C12orf50: variants seen among roughly 807,000 people sequenced by gnomAD.
C12orf50 encodes zinc finger CCCH-type containing 11D.
C12orf50 carries 35 observed loss-of-function variants against 61.6 expected under a neutral mutation model. The ratio of observed to expected loss-of-function variants is 0.57; its 90% CI spans 0.43 to 0.75. The LOEUF is 0.75. C12orf50 is among the 30% of genes least tolerant of loss of function. The pLI is 0.00. For missense variants in C12orf50, 475 were observed against 488.5 expected (o/e 0.97, Z 0.26); for synonymous variants, 178 against 161.5 (o/e 1.10, Z -0.77).
Position 88,027,089 on chromosome 12 carries a change from A to T in C12orf50, c.-108-19T>A. 6.3e-7 allele frequency: 1 copy of T among 1,583,460 alleles called. No homozygotes were observed. ...GGGAACCCTAAAAGAAAAAGTAAACAGTGTAGAAAGCTCAATATGTTGACA... is the reference window on the plus strand; with the variant it reads ...GGGAACCCTAAAAGAAAAAGTAAACTGTGTAGAAAGCTCAATATGTTGACA... On this transcript the variant is annotated intron_variant, in intron 1 of 12. Transcript: ENST00000298699.
intron 7 of C12orf50, among the ~76,000 whole-genome samples, chr12:87,994,225 ATAAG>A (rs748872556): frequency 4.8e-4 from 72 of 149,486 alleles, no homozygotes; most frequent in Non-Finnish European, 9.1e-4. Flanking sequence ...AAATAAATAA[ATAAG>A]TAGATAAATA....
intron 3 of C12orf50, among the ~76,000 whole-genome samples, chr12:88,019,179 G>T (rs368476550): frequency 6.6e-6 from 1 of 150,872 alleles, no homozygotes; most frequent in Non-Finnish European, 1.5e-5. Context: ...TCGATGGGAG[G>T]TAATTGAATC....
chr12:88,026,810 A>T, intron 2 of C12orf50, 141 bp downstream of exon 2: 1 of 1,368,950 alleles, frequency 7.3e-7, no homozygotes, highest in South Asian at 1.5e-5. Context: ...TTCCTCCATT[A>T]AGTTGAAAAA....
chr12:88,005,986 G>T (rs373166117), intron 3 of C12orf50, among the ~76,000 whole-genome samples: 2 of 142,534 alleles, frequency 1.4e-5, no homozygotes, highest in Non-Finnish European at 3.0e-5. Context: ...GCGCAATCTC[G>T]GCTCACTGCA....
intron 7 of C12orf50, among the ~76,000 whole-genome samples, chr12:87,990,693 A>G (rs995160381): frequency 5.3e-5 from 8 of 152,022 alleles, no homozygotes; most frequent in African/African-American, 1.4e-4. Context: ...TGTCTAATTC[A>G]TCATGTAAGG....
chr12:87,999,226 C>A (rs1048462879), intron 3 of C12orf50, among the ~76,000 whole-genome samples: 1 of 152,042 alleles, frequency 6.6e-6, no homozygotes, highest in African/African-American at 2.4e-5. Context: ...TAAATAAGAT[C>A]CAGCCTGGGC....
intron 3 of C12orf50, among the ~76,000 whole-genome samples, chr12:88,019,370 G>A (rs990679158): frequency 1.3e-5 from 2 of 152,090 alleles, no homozygotes; most frequent in Non-Finnish European, 2.9e-5. Flanking sequence ...CAGACATGTG[G>A]AACTATAAGT....
chr12:88,002,250 T>C (rs915089633), intron 3 of C12orf50, among the ~76,000 whole-genome samples: 1 of 151,812 alleles, frequency 6.6e-6, no homozygotes, highest in Non-Finnish European at 1.5e-5. Flanking sequence ...TGTGATTTCT[T>C]GGTTATTTAC....
chr12:87,986,529 AAATGCACCATCCTAAC>A, intron 9 of C12orf50, 113 bp from the exon 10 acceptor site: 1 of 666,648 alleles, frequency 1.5e-6, no homozygotes, highest in Non-Finnish European at 2.4e-6. Context: ...AGGAAAAAAT[AAATGCACCATCCTAAC>A]ACTTTACTTT....
At chr12:87,998,247 T>C (rs980534826) in intron 3 of C12orf50, 57 bp from the exon 4 acceptor site, 1 of 1,399,584 alleles carries the variant, frequency 7.1e-7, no homozygotes, top group African/African-American at 1.4e-5. Flanking sequence ...GATAAGTAGA[T>C]GTAACAATCA....
rs553282535 is a variant in C12orf50 at position 88,003,507 on chromosome 12, TTCTC to T, written c.134-5321_134-5318del. ...TTAAGGTAGACAAACTGGCAACAAA[TTCTC>T]TCAGTTTTTGTTTTCTTTGAATGTC... On this transcript the variant is annotated intron_variant, in intron 3 of 12. Transcript: ENST00000298699. Among the ~76,000 whole-genome samples, 81 of 152,150 alleles carry T rather than the reference TTCTC, an allele frequency of 5.3e-4. No individual in the cohort carries two copies. The East Asian group carries it at 9.4e-3, about 18-fold the overall frequency.
At chr12:88,012,752 C>A (rs1308673331) in intron 3 of C12orf50, among the ~76,000 whole-genome samples, 4 of 152,242 alleles carry the variant, frequency 2.6e-5, no homozygotes, top group East Asian at 3.9e-4. Flanking sequence ...AAGCAACTAA[C>A]CTGAACTCTT....
chr12:88,006,387 TC>T (rs1213756286), intron 3 of C12orf50, among the ~76,000 whole-genome samples: 1 of 152,168 alleles, frequency 6.6e-6, no homozygotes, highest in East Asian at 1.9e-4. Context: ...CACACTATGT[TC>T]TATTCCAAAT....
intron 11 of C12orf50, chr12:87,984,655 A>T (rs1393561959): frequency 6.6e-6 from 1 of 152,160 alleles, no homozygotes; most frequent in Non-Finnish European, 1.5e-5. Context: ...CTGTCTAACA[A>T]TGTTATATTT....
At chr12:87,984,827 A>T (rs541219529) in intron 11 of C12orf50, 4 of 152,278 alleles carry the variant, frequency 2.6e-5, no homozygotes, top group African/African-American at 9.6e-5. Flanking sequence ...CAGCTCTTCT[A>T]GTACTCATTG....
At chr12:88,026,763 G>A (rs1362267818) in intron 2 of C12orf50, among the ~76,000 whole-genome samples, 155 bp from the exon 3 acceptor site, 1 of 152,156 alleles carries the variant, frequency 6.6e-6, no homozygotes, top group Non-Finnish European at 1.5e-5. Context: ...TCTAAGCCCT[G>A]CTATTCAAAA....
At chr12:87,989,230 T>G (rs748828610) in intron 8 of C12orf50, 34 bp downstream of exon 8, 35 of 1,476,556 alleles carry the variant, frequency 2.4e-5, no homozygotes, top group Middle Eastern at 1.7e-4. Context: ...CTAGCCAAAT[T>G]ACAAATGAAT....
chr12:87,994,593 G>A, intron 7 of C12orf50, 40 bp downstream of exon 7: 2 of 1,294,082 alleles, frequency 1.5e-6, no homozygotes, highest in South Asian at 1.2e-5. Context: ...TTTATTATGT[G>A]GTGATATATT....
intron 3 of C12orf50, among the ~76,000 whole-genome samples, chr12:87,999,260 C>CA (rs908014368): frequency 4.6e-5 from 7 of 151,922 alleles, no homozygotes; most frequent in African/African-American, 1.4e-4. Flanking sequence ...CCTATCTCCA[C>CA]AAAAAAATAC....
Sources: allele counts gnomAD v4.1 joint callset (sites outside exome capture counted in the v4.1 genomes callset), GRCh38; gene constraint gnomAD v4.1.1; transcripts MANE v1.5; gene names NCBI Gene and HGNC (gene_info 2026-07-23, HGNC 2026-07-21).